SMG5: variants seen among roughly 807,000 people sequenced by gnomAD.
The protein encoded by SMG5 is nonsense-mediated mRNA decay factor SMG5.
SMG5 carries 53 observed loss-of-function variants against 122.9 expected under a neutral mutation model. That is an observed-to-expected ratio of 0.43 (90% confidence interval 0.35 to 0.54). SMG5 has a LOEUF of 0.54. Among genes scored for constraint, SMG5 ranks in the 20% least tolerant of loss-of-function variants. The pLI is 0.01. For missense variants in SMG5, 1,153 were observed against 1,285.6 expected (o/e 0.90, Z 1.58); for synonymous variants, 477 against 490.2 (o/e 0.97, Z 0.35).
intron 7 of SMG5, 40 bp from the exon 8 acceptor site, chr1:156,268,455 G>A (rs199588903): frequency 6.7e-5 from 108 of 1,607,224 alleles, no homozygotes; most frequent in Non-Finnish European, 9.1e-5. Context: ...CTTGGCAGGG[G>A]GAGGATATGT....
At chr1:156,277,292 C>T in intron 3 of SMG5, 51 bp from the exon 4 acceptor site, 2 of 1,575,722 alleles carry the variant, frequency 1.3e-6, no homozygotes, top group Non-Finnish European at 1.7e-6. Flanking sequence ...CTCAGAGTCG[C>T]ACTCACCCTC....
At position 156,250,042 on chromosome 1, in the gene SMG5, C is replaced by A; in HGVS notation, c.*545G>T. 2 of 426,992 alleles carry A rather than the reference C, an allele frequency of 4.7e-6. No homozygotes were observed. Among genetic ancestry groups the A allele is most frequent in the South Asian group, 1.8e-5 (1 of 56,742 alleles). 26.5% of individuals were successfully genotyped at this position (426,992 alleles called of 1,614,324 possible). A position where few individuals can be genotyped will look rare whatever the true frequency, so the allele number is the denominator to read the frequency against. ...CTTGCTTCTCTAACAGCCCCTGTGG[C>A]TGGCTCCAGAGCTGCCTGGTCCCCA... is the stretch of plus-strand genomic sequence containing the variant. On this transcript the variant is annotated 3_prime_UTR_variant, in exon 22 of 22. Coordinates refer to ENST00000361813, the MANE Select transcript of SMG5 (RefSeq NM_015327.3).
Position 156,265,768 on chromosome 1 carries a change from G to A in SMG5, c.1855+13C>T, listed in dbSNP as rs376023827. 1.2e-6 allele frequency: 2 copies of A among 1,609,636 alleles called. No individual in the cohort carries two copies. The highest frequency in any genetic ancestry group is 1.7e-6 in the Non-Finnish European group (2 of 1,177,548). On this transcript the variant is annotated intron_variant, in intron 12 of 21. Transcript: ENST00000361813. The stretch of plus-strand genomic sequence containing the variant: ...GTGCGGACCAGAACAGGATGATGAA[G>A]TGGTCCAAATACCTGGCTCTGAAGG...
chr1:156,257,854 G>A (rs978374602), intron 16 of SMG5, among the ~76,000 whole-genome samples: 1 of 152,178 alleles, frequency 6.6e-6, no homozygotes, highest in Non-Finnish European at 1.5e-5. Context: ...AAGAAACCCT[G>A]AGGGGTTGCT....
At chr1:156,284,709 C>T (rs1484911238), upstream of SMG5, among the ~76,000 whole-genome samples, 2 of 152,166 alleles carry the variant, frequency 1.3e-5, no homozygotes, top group African/African-American at 4.8e-5. Flanking sequence ...ACTGGTCTCA[C>T]TTGGAATGCA....
Position 156,273,531 on chromosome 1 carries a change from G to A in SMG5, c.545-81C>T, listed in dbSNP as rs528542684. 11 of 1,321,958 alleles carry A rather than the reference G, an allele frequency of 8.3e-6. No individual in the cohort carries two copies. The African/African-American group carries it at 1.2e-4, about 14-fold the overall frequency. 81.9% of individuals were successfully genotyped at this position (1,321,958 alleles called of 1,614,324 possible). A position where few individuals can be genotyped will look rare whatever the true frequency, so the allele number is the denominator to read the frequency against. On this transcript the variant is annotated intron_variant, in intron 5 of 21. Transcript: ENST00000361813. ...TCCCCCACATCTGGGAGTCCACTCT[G>A]AGAGTGGTAACAAGAGCCTGGAAGG...
chr1:156,261,939 G>A (rs1034574807), intron 13 of SMG5, among the ~76,000 whole-genome samples: 2 of 149,984 alleles, frequency 1.3e-5, no homozygotes. Context: ...GCATGCGCTT[G>A]TAGCCCCAGC....
At chr1:156,286,209 T>C (rs6679145), upstream of SMG5, 436,159 of 1,572,984 alleles carry the variant, frequency 0.28, 62,249 homozygotes, top group Non-Finnish European at 0.29. Flanking sequence ...CTGCCTCTTG[T>C]GCCCTTCCCC....
At chr1:156,272,431 C>T (rs1412928866) in intron 6 of SMG5, 33 bp from the exon 7 acceptor site, 3 of 1,556,276 alleles carry the variant, frequency 1.9e-6, no homozygotes, top group Admixed American at 1.8e-5. Flanking sequence ...CAGTCTAAGG[C>T]CACAATACTC....
rs150541816 is a variant in SMG5, at chr1:156,256,307, TCTC to T, written c.2442+2695_2442+2697del. Among the ~76,000 whole-genome samples, 464 of 105,248 alleles carry T rather than the reference TCTC, an allele frequency of 4.4e-3. 25 individuals carry two copies. The highest frequency in any genetic ancestry group is 0.017 in the Middle Eastern group (4 of 240). The allele number at this position is 105,248 out of a possible 152,430, so 69.0% of individuals were successfully genotyped here. A position where few individuals can be genotyped will look rare whatever the true frequency, so the allele number is the denominator to read the frequency against. On this transcript the variant is annotated intron_variant, in intron 16 of 21. Transcript: ENST00000361813. ...CAGAGCCTAGGTGAGAGCCATCTTC[TCTC>T]TTTTTTTTTTTTTTTTTTTTTTTTG...
At chr1:156,265,389 G>A (rs1662080144) in intron 12 of SMG5, among the ~76,000 whole-genome samples, 1 of 152,142 alleles carries the variant, frequency 6.6e-6, no homozygotes, top group Admixed American at 6.5e-5. Flanking sequence ...CTGTTTGCAG[G>A]GAATATCCTC....
At chr1:156,266,463 C>T (rs1188016803) in intron 11 of SMG5, 78 bp downstream of exon 11, 1 of 1,606,130 alleles carries the variant, frequency 6.2e-7, no homozygotes, top group East Asian at 2.2e-5. Context: ...ACCACTTCCC[C>T]CGAGTCTGTG....
intron 1 of SMG5, 47 bp downstream of exon 1, chr1:156,282,560 C>T: frequency 1.9e-6 from 3 of 1,562,252 alleles, no homozygotes; most frequent in Non-Finnish European, 2.6e-6. Flanking sequence ...CCCTCGCCGT[C>T]TCCCCACTTC....
At chr1:156,261,441 C>A (rs747181479) in intron 13 of SMG5, 33 bp from the exon 14 acceptor site, 4 of 1,580,704 alleles carry the variant, frequency 2.5e-6, no homozygotes, top group Non-Finnish European at 3.5e-6. Flanking sequence ...AGGCCTTCAG[C>A]TAGAGACAGT....
intron 16 of SMG5, among the ~76,000 whole-genome samples, chr1:156,256,162 G>C (rs963743776): frequency 6.6e-6 from 1 of 151,930 alleles, no homozygotes; most frequent in African/African-American, 2.4e-5. Context: ...ATCTATAGTT[G>C]CAAGATCCAC....
chr1:156,283,234 G>A (rs1663049968), upstream of SMG5, among the ~76,000 whole-genome samples: 1 of 152,200 alleles, frequency 6.6e-6, no homozygotes, highest in Non-Finnish European at 1.5e-5. Flanking sequence ...AAAAGTGCAT[G>A]TGAAAGTTTC....
Position 156,263,469 on chromosome 1 carries a change from C to T in SMG5, c.1957G>A (p.Gly653Ser). The T allele has an allele frequency of 1.9e-6, 3 of 1,614,252 alleles. No homozygotes were observed. The highest frequency in any genetic ancestry group is 2.5e-6 in the Non-Finnish European group (3 of 1,180,050). The change falls in exon 13 of 22, where the codon GGT becomes AGT. Residue 653 changes from glycine (G) to serine (S), a missense_variant. Physicochemically the swap from Gly to Ser is moderately conservative, Grantham distance 56. This residue lies in a region of SMG5 where 631 missense variants were observed against 650.6 expected (regional missense o/e 0.97). Coordinates refer to ENST00000361813, the MANE Select transcript of SMG5 (RefSeq NM_015327.3). Reference protein sequence around the residue: ...QEKLQVLMAEGLLPAVKVFLD... With the variant: ...QEKLQVLMAESLLPAVKVFLD... ...AAGACTTTCACAGCAGGAAGCAGACCTTCGGCCATCAGGACCTGAAGCTTC... is the reference window on the plus strand; with the variant it reads ...AAGACTTTCACAGCAGGAAGCAGACTTTCGGCCATCAGGACCTGAAGCTTC...
chr1:156,286,454 GGTCTCTTTGCC>G, upstream of SMG5: 1 of 1,614,134 alleles, frequency 6.2e-7, no homozygotes, highest in Non-Finnish European at 8.5e-7. Flanking sequence ...TCTGCTCACT[GGTCTCTTTGCC>G]GTCTCCCGGT....
chr1:156,283,300 CA>C (rs1471079057), upstream of SMG5, among the ~76,000 whole-genome samples: 3 of 152,222 alleles, frequency 2.0e-5, no homozygotes, highest in Admixed American at 2.0e-4. Flanking sequence ...ATGACTTGTA[CA>C]AGCGTCTCGG....
Sources: allele counts gnomAD v4.1 joint callset (sites outside exome capture counted in the v4.1 genomes callset), GRCh38; gene constraint gnomAD v4.1.1; regional missense constraint gnomAD v4.1.1; transcripts MANE v1.5; gene names NCBI Gene and HGNC (gene_info 2026-07-23, HGNC 2026-07-21).